The following ATP7B variants were observed in gnomAD, a reference collection of about 807,000 sequenced individuals.
ATP7B encodes copper-transporting ATPase 2.
ATP7B carries 113 observed loss-of-function variants against 118.9 expected under a neutral mutation model. The ratio of observed to expected loss-of-function variants is 0.95; its 90% CI spans 0.82 to 1.11. ATP7B has a LOEUF of 1.11. ATP7B is among the 50% of genes most tolerant of loss of function. The pLI is 0.00. For missense variants in ATP7B, 1,867 were observed against 1,871.4 expected, an observed-to-expected ratio of 1.00 and a Z score of 0.04; for synonymous variants, 777 against 727.4, an observed-to-expected ratio of 1.07 and a Z score of -1.10.
intron 7 of ATP7B, 167 bp downstream of exon 7, chr13:51,959,981 G>T: frequency 1.0e-6 from 1 of 962,600 alleles, no homozygotes; most frequent in East Asian, 2.6e-5. Flanking sequence ...CCACCTACTG[G>T]TCATTAAGAG....
Position 51,933,446 on chromosome 13 carries a change from T to C in ATP7B, c.*1310A>G, listed in dbSNP as rs1938360860. On this transcript the variant is annotated 3_prime_UTR_variant, in exon 21 of 21. Coordinates refer to ENST00000242839, the MANE Select transcript of ATP7B (RefSeq NM_000053.4). ...ATGAAAAAAATCACTAAAACTATTT[T>C]GTGTGGGAGAAAAGGGTTTCACCCA... 2 of 152,250 alleles carry C rather than the reference T, an allele frequency of 1.3e-5. No homozygotes were observed. The highest frequency in any genetic ancestry group is 4.8e-5 in the African/African-American group (2 of 41,458). 9.4% of individuals were successfully genotyped at this position (152,250 alleles called of 1,614,324 possible).
intron 1 of ATP7B, among the ~76,000 whole-genome samples, chr13:51,993,334 G>A (rs1953025281): frequency 6.6e-6 from 1 of 151,210 alleles, no homozygotes; most frequent in Non-Finnish European, 1.5e-5. Context: ...TTGGGAGGGG[G>A]AGGCAGGAGG....
chr13:51,995,247 A>G (rs1593852681), intron 1 of ATP7B: 2 of 954,292 alleles, frequency 2.1e-6, no homozygotes, highest in East Asian at 2.3e-4. Context: ...ACATGGAGAG[A>G]AACCTCCATC....
chr13:52,000,330 T>C (rs928058558), intron 1 of ATP7B, among the ~76,000 whole-genome samples: 1 of 152,196 alleles, frequency 6.6e-6, no homozygotes, highest in African/African-American at 2.4e-5. Context: ...CATCCTCAAA[T>C]GGCAGAAGAG....
At chr13:51,954,470 A>G (rs1555289950) in intron 9 of ATP7B, among the ~76,000 whole-genome samples, 1 of 152,240 alleles carries the variant, frequency 6.6e-6, no homozygotes, top group Non-Finnish European at 1.5e-5. Context: ...GTGGAAAAAT[A>G]CTGGATTGAT....
rs145505960 is a variant in ATP7B at position 51,948,592 on chromosome 13, A to G, written c.2865+1070T>C. The stretch of plus-strand genomic sequence containing the variant: ...CAGTGCTACTGACATTTGGGGCCAG[A>G]TAACTCTTTGTTGTAGGGCCTGTGA... On this transcript the variant is annotated intron_variant, in intron 12 of 20. Coordinates refer to ENST00000242839, the MANE Select transcript of ATP7B (RefSeq NM_000053.4). Among the ~76,000 whole-genome samples, 16 of 152,326 alleles carry G rather than the reference A, an allele frequency of 1.1e-4. No individual in the cohort carries two copies. In the East Asian group the frequency reaches 2.7e-3, roughly 26 times the overall value.
intron 1 of ATP7B, among the ~76,000 whole-genome samples, chr13:51,997,188 T>A (rs999923831): frequency 2.0e-5 from 3 of 152,206 alleles, no homozygotes; most frequent in Non-Finnish European, 2.9e-5. Flanking sequence ...TGACATTTCA[T>A]TTATGGGGCA....
At chr13:51,963,772 G>A (rs549432893) in intron 5 of ATP7B, among the ~76,000 whole-genome samples, 2 of 145,652 alleles carry the variant, frequency 1.4e-5, no homozygotes, top group South Asian at 2.2e-4. Flanking sequence ...CTCCAAGGCC[G>A]GGCACAGTGG....
At chr13:52,000,398 A>G (rs1250376111) in intron 1 of ATP7B, among the ~76,000 whole-genome samples, 1 of 152,192 alleles carries the variant, frequency 6.6e-6, no homozygotes, top group African/African-American at 2.4e-5. Flanking sequence ...GAGAAGGCAG[A>G]GCCCTCATGG....
At chr13:51,979,673 A>G (rs1952314317) in intron 1 of ATP7B, among the ~76,000 whole-genome samples, 1 of 152,188 alleles carries the variant, frequency 6.6e-6, no homozygotes, top group Admixed American at 6.5e-5. Context: ...AATAAGAAAG[A>G]CATAACCCTC....
chr13:51,965,044 G>C lies in ATP7B; in HGVS notation c.1708-11C>G, dbSNP rs763270246. ...GGTCATCCCTGTGATCTGCAACACA[G>C]GATGGCAAGAATCCCACAGACCCAG... On this transcript the variant is annotated splice_polypyrimidine_tract_variant and intron_variant, in intron 4 of 20. Coordinates refer to ENST00000242839, the MANE Select transcript of ATP7B (RefSeq NM_000053.4). 6.2e-7 allele frequency: 1 copy of C among 1,613,880 alleles called. No individual in the cohort carries two copies. The highest frequency in any genetic ancestry group is 1.1e-5 in the South Asian group (1 of 91,078).
chr13:51,946,351 C>A lies in ATP7B; in HGVS notation c.2993G>T (p.Gly998Val). ...GCCGTTCTGCGCGGCCACCCCGGTG[C>A]CCACCATGACAGCCGTGGGCGTGGC... is the stretch of plus-strand genomic sequence containing the variant. ...GLATPTAVMV[G>V]TGVAAQNGIL... is the part of the protein sequence containing the mutation. The change falls in exon 13 of 21, where the codon GGC becomes GTC. Residue 998 changes from glycine (G) to valine (V), a missense_variant. Physicochemically the swap from Gly to Val is moderately radical, Grantham distance 109. Coordinates refer to ENST00000242839, the MANE Select transcript of ATP7B (RefSeq NM_000053.4). 2.5e-6 allele frequency: 4 copies of A among 1,612,296 alleles called. No individual in the cohort carries two copies. The highest frequency in any genetic ancestry group is 3.4e-6 in the Non-Finnish European group (4 of 1,179,600).
intron 19 of ATP7B, among the ~76,000 whole-genome samples, chr13:51,936,714 A>G (rs1015252505): frequency 6.6e-6 from 1 of 151,946 alleles, no homozygotes; most frequent in African/African-American, 2.4e-5. Context: ...TTTTGTAGAG[A>G]TGGAGTCTCA....
intron 1 of ATP7B, among the ~76,000 whole-genome samples, chr13:52,010,396 G>T (rs998436554): frequency 6.6e-6 from 1 of 152,210 alleles, no homozygotes; most frequent in African/African-American, 2.4e-5. Context: ...TAAAGAAATA[G>T]TGTCAGCATT....
intron 12 of ATP7B, among the ~76,000 whole-genome samples, chr13:51,947,452 A>T (rs1161746850): frequency 6.6e-5 from 10 of 152,192 alleles, no homozygotes; most frequent in Admixed American, 6.5e-4. Flanking sequence ...GTTTATTTTT[A>T]AAAATGGCTG....
chr13:52,009,406 G>A (rs1300831992), intron 1 of ATP7B, among the ~76,000 whole-genome samples: 1 of 152,126 alleles, frequency 6.6e-6, no homozygotes, highest in Non-Finnish European at 1.5e-5. Flanking sequence ...CTACCTGTGA[G>A]GTTTCATCTA....
chr13:51,972,321 T>C (rs1159608763), intron 2 of ATP7B, among the ~76,000 whole-genome samples: 2 of 152,182 alleles, frequency 1.3e-5, no homozygotes, highest in Non-Finnish European at 2.9e-5. Context: ...GCTCGCATTA[T>C]GTCCAGGGTG....
intron 4 of ATP7B, among the ~76,000 whole-genome samples, chr13:51,965,313 C>A (rs1951491836): frequency 6.6e-6 from 1 of 152,186 alleles, no homozygotes; most frequent in Non-Finnish European, 1.5e-5. Context: ...GGCTCTGATA[C>A]AGATGGGCTT....
intron 1 of ATP7B, among the ~76,000 whole-genome samples, chr13:52,002,470 G>A (rs1240232281): frequency 1.4e-5 from 2 of 147,198 alleles, no homozygotes; most frequent in African/African-American, 5.1e-5. Flanking sequence ...AGAAGCTGAG[G>A]TGATAGGATC....
Sources: gnomAD v4.1 joint callset for allele counts (sites outside exome capture counted in the v4.1 genomes callset) on GRCh38, gnomAD v4.1.1 for gene constraint, MANE v1.5 for transcripts, NCBI Gene and HGNC (gene_info 2026-07-23, HGNC 2026-07-21) for gene names.